Variants in BBS9 observed in about 807,000 individuals in gnomAD.
BBS9 encodes protein PTHB1.
In BBS9, 89 loss-of-function variants were observed where a neutral mutation model predicts 117.7. The ratio of observed to expected loss-of-function variants is 0.76; its 90% CI spans 0.64 to 0.90. The LOEUF (loss-of-function observed/expected upper bound fraction) is 0.90, where lower values mean the gene tolerates loss of function less well. BBS9 is among the 40% of genes least tolerant of loss of function. BBS9 has a pLI of 0.00. For synonymous variants in BBS9, 379 were observed against 370.9 expected (o/e 1.02, Z -0.25); for missense variants, 982 against 1,042.2 (o/e 0.94, Z 0.80).
chr7:33,148,598 G>T (rs1446787867), intron 2 of BBS9, among the ~76,000 whole-genome samples: 1 of 151,662 alleles, frequency 6.6e-6, no homozygotes, highest in Non-Finnish European at 1.5e-5. Flanking sequence ...CCTGACCTTG[G>T]GTGATCCACC....
chr7:33,216,461 T>G (rs564873168), intron 5 of BBS9, among the ~76,000 whole-genome samples: 1 of 152,286 alleles, frequency 6.6e-6, no homozygotes, highest in Non-Finnish European at 1.5e-5. Flanking sequence ...CAAAAAAGGA[T>G]AGGTACTATA....
chr7:33,220,856 T>A (rs1790110202), intron 5 of BBS9, among the ~76,000 whole-genome samples: 1 of 152,228 alleles, frequency 6.6e-6, no homozygotes, highest in South Asian at 2.1e-4. Flanking sequence ...AGTTTAAAAT[T>A]TCACTTGGCT....
intron 7 of BBS9, among the ~76,000 whole-genome samples, chr7:33,265,194 A>G (rs1005572747): frequency 3.9e-5 from 6 of 152,226 alleles, no homozygotes; most frequent in African/African-American, 1.4e-4. Flanking sequence ...TGGAGAAATA[A>G]TGTAGAATTT....
At chr7:33,469,860 T>C (rs537357136) in intron 19 of BBS9, among the ~76,000 whole-genome samples, 57 of 152,298 alleles carry the variant, frequency 3.7e-4, no homozygotes, top group African/African-American at 1.3e-3. Flanking sequence ...CTTTACCTCA[T>C]GATATGACCT....
chr7:33,600,834 G>A (rs1863686182), intron 21 of BBS9, among the ~76,000 whole-genome samples: 1 of 152,176 alleles, frequency 6.6e-6, no homozygotes, highest in African/African-American at 2.4e-5. Flanking sequence ...ACCTTGGGCT[G>A]TGGGCTGCTG....
At chr7:33,616,957 G>T (rs1011394200) in intron 21 of BBS9, among the ~76,000 whole-genome samples, 11 of 151,886 alleles carry the variant, frequency 7.2e-5, no homozygotes, top group Non-Finnish European at 1.5e-4. Flanking sequence ...GAGAGCATGT[G>T]GTATTTGACT....
At chr7:33,407,506 C>G (rs373420254) in intron 19 of BBS9, among the ~76,000 whole-genome samples, 1 of 152,120 alleles carries the variant, frequency 6.6e-6, no homozygotes, top group Non-Finnish European at 1.5e-5. Flanking sequence ...GGAGGAGAGG[C>G]GCTCTGCTTT....
chr7:33,496,285 C>T (rs908312257), intron 19 of BBS9, among the ~76,000 whole-genome samples: 2 of 152,088 alleles, frequency 1.3e-5, no homozygotes, highest in Non-Finnish European at 2.9e-5. Context: ...GTGGGCAGAT[C>T]ATGAGGTCAG....
At chr7:33,493,528 T>G (rs1844311958) in intron 19 of BBS9, among the ~76,000 whole-genome samples, 1 of 152,186 alleles carries the variant, frequency 6.6e-6, no homozygotes, top group Non-Finnish European at 1.5e-5. Context: ...CATACCTAAT[T>G]TTGTCACATA....
chr7:33,504,823 C>G (rs1215249774), intron 19 of BBS9, among the ~76,000 whole-genome samples: 3 of 151,024 alleles, frequency 2.0e-5, no homozygotes, highest in African/African-American at 7.3e-5. Flanking sequence ...GTAGATTTGG[C>G]ATTGTAAAGT....
At chr7:33,204,906 T>A (rs1041573688) in intron 5 of BBS9, among the ~76,000 whole-genome samples, 1 of 152,234 alleles carries the variant, frequency 6.6e-6, no homozygotes, top group East Asian at 1.9e-4. Context: ...CTCTTAGTTT[T>A]TCCAGTACTT....
intron 11 of BBS9, among the ~76,000 whole-genome samples, chr7:33,342,496 T>C (rs1483812813): frequency 6.6e-6 from 1 of 152,190 alleles, no homozygotes; most frequent in Non-Finnish European, 1.5e-5. Context: ...TTTTAGTCTT[T>C]GTAGGAAAAT....
intron 5 of BBS9, among the ~76,000 whole-genome samples, chr7:33,183,283 G>A (rs1235409090): frequency 1.3e-5 from 2 of 151,654 alleles, no homozygotes; most frequent in African/African-American, 4.8e-5. Context: ...AGGTCCTCTC[G>A]TGTGCATCAA....
intron 5 of BBS9, among the ~76,000 whole-genome samples, chr7:33,248,460 A>G (rs1795717065): frequency 6.6e-6 from 1 of 152,198 alleles, no homozygotes. Flanking sequence ...GTTACTAAGC[A>G]TAGCCAAATA....
At chr7:33,521,125 A>C (rs998895282) in intron 20 of BBS9, among the ~76,000 whole-genome samples, 2 of 152,202 alleles carry the variant, frequency 1.3e-5, no homozygotes, top group Non-Finnish European at 2.9e-5. Flanking sequence ...TTTAAAACTC[A>C]TTATCTCCAT....
intron 21 of BBS9, among the ~76,000 whole-genome samples, chr7:33,627,876 G>C (rs1384698442): frequency 6.6e-6 from 1 of 152,036 alleles, no homozygotes; most frequent in African/African-American, 2.4e-5. Context: ...AACCCCATCT[G>C]TACAAAAAAA....
intron 5 of BBS9, among the ~76,000 whole-genome samples, chr7:33,239,259 C>T (rs139915928): frequency 1.4e-4 from 21 of 152,194 alleles, no homozygotes; most frequent in African/African-American, 4.3e-4. Flanking sequence ...CCTACGACTA[C>T]GCTAAGGATT....
intron 21 of BBS9, among the ~76,000 whole-genome samples, chr7:33,544,408 C>T (rs913474368): frequency 4.6e-5 from 7 of 152,170 alleles, no homozygotes; most frequent in Admixed American, 2.6e-4. Context: ...TACTCTCTCC[C>T]TTTTCCTATG....
At chr7:33,350,632 T>C (rs1432098221) in intron 13 of BBS9, among the ~76,000 whole-genome samples, 1 of 152,248 alleles carries the variant, frequency 6.6e-6, no homozygotes, top group Non-Finnish European at 1.5e-5. Flanking sequence ...CTGTTCATGC[T>C]GTCTGTTCCT....
Sources: allele counts gnomAD v4.1 joint callset (sites outside exome capture counted in the v4.1 genomes callset), GRCh38; gene constraint gnomAD v4.1.1; transcripts MANE v1.5; gene names NCBI Gene and HGNC (gene_info 2026-07-23, HGNC 2026-07-21).